LRRN3: variants seen among roughly 807,000 people sequenced by gnomAD.
LRRN3 encodes leucine rich repeat neuronal 3.
In LRRN3, 15 loss-of-function variants were observed where a neutral mutation model predicts 40.1. The observed-to-expected ratio is 0.37, with a 90% CI of 0.25 to 0.58. LRRN3 has a LOEUF of 0.58. LRRN3 is among the 20% of genes least tolerant of loss of function. The pLI, the probability that LRRN3 is intolerant of heterozygous loss-of-function variation, is 0.72. For synonymous variants in LRRN3, 308 were observed against 297.2 expected (o/e 1.04, Z -0.37); for missense variants, 746 against 837.7 (o/e 0.89, Z 1.35).
At chr7:111,095,253 G>T (rs931779921) in intron 1 of LRRN3, among the ~76,000 whole-genome samples, 3 of 151,784 alleles carry the variant, frequency 2.0e-5, no homozygotes, top group African/African-American at 7.3e-5. Flanking sequence ...AGGCTGAAAG[G>T]GTTTGAAATC....
Position 111,104,479 on chromosome 7 carries a change from AC to A in LRRN3, c.-359+4519del, listed in dbSNP as rs1388730957. Among the ~76,000 whole-genome samples the A allele has an allele frequency of 3.9e-5, 6 of 151,978 alleles. No homozygotes were observed. In the East Asian group the frequency reaches 1.2e-3, roughly 29 times the overall value. On this transcript the variant is annotated intron_variant, in intron 2 of 2. Transcript: ENST00000308478. Reference sequence around the variant, plus strand: ...ATATGATGTCACTTTAGTAACTAATACCATCACTTCTATTGAAGCTGATATC... The same window carrying A: ...ATATGATGTCACTTTAGTAACTAATACATCACTTCTATTGAAGCTGATATC...
In LRRN3 at chr7:111,123,038, A is replaced by C. The variant is rs142875610; in HGVS notation, c.266A>C (p.Asp89Ala). 1,236 of 1,613,878 alleles carry C rather than the reference A, an allele frequency of 7.7e-4. 26 individuals carry two copies. The East Asian group carries it at 0.025, about 33-fold the overall frequency. The change falls in exon 3 of 3, where the codon GAC becomes GCC. Residue 89 changes from aspartate to alanine, a missense_variant. Transcript: ENST00000308478. The surrounding 1 kb of genome is among the most constrained non-coding windows in gnomAD (Gnocchi z 6.4). ...ATTGCAAAAATTGAATACTCCACAG[A>C]CTTTCCAGTAAACCTTACTGGCCTG... ...NNIAKIEYST[D>A]FPVNLTGLDL...
At chr7:111,100,871 T>G (rs567644822) in intron 2 of LRRN3, among the ~76,000 whole-genome samples, 41 of 151,740 alleles carry the variant, frequency 2.7e-4, no homozygotes, top group African/African-American at 9.6e-4. Flanking sequence ...ATTGAACAAG[T>G]AGAACAATGT....
intron 2 of LRRN3, among the ~76,000 whole-genome samples, chr7:111,114,287 A>T (rs1799584723): frequency 6.6e-6 from 1 of 152,180 alleles, no homozygotes; most frequent in African/African-American, 2.4e-5. Flanking sequence ...TTTATAGACT[A>T]CTTCTGATGT....
At chr7:111,115,365 G>A (rs1246993961) in intron 2 of LRRN3, among the ~76,000 whole-genome samples, 1 of 152,126 alleles carries the variant, frequency 6.6e-6, no homozygotes, top group Non-Finnish European at 1.5e-5. Flanking sequence ...TGCTATTAAT[G>A]AAGTGCTCAG....
At chr7:111,091,748 T>C (rs1040934820) in intron 1 of LRRN3, among the ~76,000 whole-genome samples, 5 of 151,274 alleles carry the variant, frequency 3.3e-5, no homozygotes, top group African/African-American at 9.7e-5. Flanking sequence ...CATTAGAGGA[T>C]GTGAGTGGGA....
In LRRN3 at chr7:111,118,418, A is replaced by G. The variant is rs568025352; in HGVS notation, c.-358-3997A>G. 6.6e-5 allele frequency among the ~76,000 whole-genome samples: 10 copies of G among 152,236 alleles called. No homozygotes were observed. The East Asian group carries it at 1.5e-3, about 23-fold the overall frequency. On this transcript the variant is annotated intron_variant, in intron 2 of 2. Transcript: ENST00000308478. ...TTTTCACATAAAGAAATCTCAAATT[A>G]TAAGTGTCCACAGGAATTGGATATA...
intron 1 of LRRN3, among the ~76,000 whole-genome samples, chr7:111,099,442 C>T (rs1797739285): frequency 6.6e-6 from 1 of 151,690 alleles, no homozygotes. Flanking sequence ...CTGTAATTTG[C>T]TTTTCAAACT....
At chr7:111,112,763 C>T (rs1479419693) in intron 2 of LRRN3, among the ~76,000 whole-genome samples, 2 of 152,124 alleles carry the variant, frequency 1.3e-5, no homozygotes, top group Non-Finnish European at 2.9e-5. Flanking sequence ...ACTAAAAATA[C>T]AGCCCACATC....
intron 2 of LRRN3, among the ~76,000 whole-genome samples, chr7:111,120,553 C>G (rs1800472585): frequency 6.6e-6 from 1 of 152,122 alleles, no homozygotes; most frequent in Non-Finnish European, 1.5e-5. Context: ...ACAGCCAAAC[C>G]ATATCAGTGA....
At chr7:111,093,332 T>C (rs569862924) in intron 1 of LRRN3, among the ~76,000 whole-genome samples, 49 of 152,314 alleles carry the variant, frequency 3.2e-4, no homozygotes, top group Non-Finnish European at 5.7e-4. Context: ...GTGTTTTATT[T>C]GCTTTTCTGC....
intron 2 of LRRN3, among the ~76,000 whole-genome samples, chr7:111,116,020 T>G (rs1434560663): frequency 6.6e-6 from 1 of 152,084 alleles, no homozygotes; most frequent in Non-Finnish European, 1.5e-5. Flanking sequence ...AGCACAAGCC[T>G]CAATTCTAAA....
rs2129589331 is a variant in LRRN3 at position 111,123,088 on chromosome 7, T to A, written c.316T>A (p.Ser106Thr). The change falls in exon 3 of 3, where the codon TCA becomes ACA. Residue 106 changes from serine (S) to threonine (T), a missense_variant. Transcript: ENST00000308478. The surrounding 1 kb of genome is among the most constrained non-coding windows in gnomAD (Gnocchi z 6.4). The part of the protein sequence containing the change: ...GLDLSQNNLS[S>T]VTNINVKKMP... ...GGATTTATCTCAAAACAATTTATCTTCAGTCACCAATATTAATGTAAAAAA... is the reference window on the plus strand; with the variant it reads ...GGATTTATCTCAAAACAATTTATCTACAGTCACCAATATTAATGTAAAAAA... 6.2e-7 allele frequency: 1 copy of A among 1,613,796 alleles called. No individual in the cohort carries two copies. Among genetic ancestry groups the A allele is most frequent in the East Asian group, 2.2e-5 (1 of 44,820 alleles).
rs1329506570 is a variant in LRRN3 at position 111,124,667 on chromosome 7, G to A, written c.1895G>A (p.Cys632Tyr). Residue 632 changes from cysteine (C) to tyrosine (Y), a missense_variant, in exon 3 of 3, where the codon TGT becomes TAT. Transcript: ENST00000308478. Reference protein sequence around the residue: ...EKNNTTTLMACLGGLLGIIGV... With the variant: ...EKNNTTTLMAYLGGLLGIIGV... The stretch of plus-strand genomic sequence containing the variant: ...AATAATACCACAACACTTATGGCCT[G>A]TCTTGGAGGCCTTCTGGGGATTATT... The A allele has an allele frequency of 4.3e-6, 7 of 1,613,738 alleles. No homozygotes were observed. Among genetic ancestry groups the A allele is most frequent in the Non-Finnish European group, 3.4e-6 (4 of 1,179,894 alleles).
intron 2 of LRRN3, among the ~76,000 whole-genome samples, chr7:111,114,125 C>G (rs1229704329): frequency 1.3e-5 from 2 of 148,982 alleles, no homozygotes; most frequent in Non-Finnish European, 3.0e-5. Flanking sequence ...TACACATACA[C>G]ATAAATCTAC....
At chr7:111,104,782 T>C (rs773471062) in intron 2 of LRRN3, among the ~76,000 whole-genome samples, 15 of 151,742 alleles carry the variant, frequency 9.9e-5, no homozygotes, top group Non-Finnish European at 1.9e-4. Flanking sequence ...AAATTAAAAA[T>C]ATGCATAGAA....
Sources: gnomAD v4.1 joint callset for allele counts (sites outside exome capture counted in the v4.1 genomes callset) on GRCh38, gnomAD v4.1.1 for gene constraint, Gnocchi (gnomAD v3.1) non-coding constraint, MANE v1.5 for transcripts, NCBI Gene and HGNC (gene_info 2026-07-23, HGNC 2026-07-21) for gene names.